The following FANK1 variants were observed in gnomAD, a reference collection of about 807,000 sequenced individuals.
FANK1 encodes fibronectin type 3 and ankyrin repeat domains protein 1.
In FANK1, 44 loss-of-function variants were observed where a neutral mutation model predicts 45.3. That is an observed-to-expected ratio of 0.97 (90% CI 0.76 to 1.25). The LOEUF (loss-of-function observed/expected upper bound fraction) is 1.25, where lower values mean the gene tolerates loss of function less well. Ranked by LOEUF, FANK1 falls within the 50% of genes most tolerant of loss-of-function variation. The pLI is 0.00. For missense variants in FANK1, 391 were observed against 424.4 expected, an observed-to-expected ratio of 0.92 and a Z score of 0.69; for synonymous variants, 149 against 152.5, an observed-to-expected ratio of 0.98 and a Z score of 0.17.
intron 3 of FANK1, among the ~76,000 whole-genome samples, chr10:125,989,659 T>C (rs73370568): frequency 0.014 from 2,117 of 152,332 alleles, 47 homozygotes; most frequent in African/African-American, 0.046. Flanking sequence ...ACTTGTGATA[T>C]GAAATGGTCA....
chr10:125,952,635 A>T (rs1212413205), intron 1 of FANK1, among the ~76,000 whole-genome samples: 1 of 151,956 alleles, frequency 6.6e-6, no homozygotes, highest in African/African-American at 2.4e-5. Flanking sequence ...CATCTGGATG[A>T]AAATGTTCCT....
intron 6 of FANK1, among the ~76,000 whole-genome samples, chr10:126,001,460 G>A (rs894632726): frequency 6.6e-6 from 1 of 150,610 alleles, no homozygotes; most frequent in African/African-American, 2.5e-5. Flanking sequence ...GTGACCCTGA[G>A]CAGGGGACTC....
intron 1 of FANK1, among the ~76,000 whole-genome samples, chr10:125,915,566 C>T (rs577213333): frequency 2.4e-4 from 36 of 152,322 alleles, no homozygotes; most frequent in African/African-American, 8.4e-4. Context: ...CCTGTTATCC[C>T]AGCACTTTGG....
chr10:125,996,412 G>T (rs922125903), intron 4 of FANK1, 138 bp from the exon 5 acceptor site: 4 of 689,330 alleles, frequency 5.8e-6, no homozygotes, highest in Non-Finnish European at 1.0e-5. Context: ...GACAAGAAAA[G>T]ATTTAATGGC....
intron 1 of FANK1, among the ~76,000 whole-genome samples, chr10:125,939,125 G>A (rs912947197): frequency 1.3e-5 from 2 of 152,128 alleles, no homozygotes; most frequent in African/African-American, 4.8e-5. Context: ...ACAAATTGTA[G>A]CATATTCCAG....
chr10:125,910,538 C>A (rs1182892596), intron 1 of FANK1, among the ~76,000 whole-genome samples: 1 of 152,174 alleles, frequency 6.6e-6, no homozygotes, highest in Non-Finnish European at 1.5e-5. Context: ...ATGTATACTG[C>A]ATTCCTGTGT....
In FANK1 at chr10:126,009,269, T is replaced by G; in HGVS notation, c.972+3T>G. On this transcript the variant is annotated splice_donor_region_variant and intron_variant, in intron 10 of 10. Transcript: ENST00000368693. Reference sequence around the variant, plus strand: ...TGGCCAGAGTTTTTGACAGACAGGTTGGGATGCTCTTTCTGCCTATCAAGG... The same window carrying G: ...TGGCCAGAGTTTTTGACAGACAGGTGGGGATGCTCTTTCTGCCTATCAAGG... The G allele has an allele frequency of 3.7e-6, 6 of 1,614,220 alleles. No individual in the cohort carries two copies. Among genetic ancestry groups the G allele is most frequent in the Non-Finnish European group, 4.2e-6 (5 of 1,180,042 alleles).
chr10:125,988,742 A>G (rs1353737508), intron 3 of FANK1, 67 bp downstream of exon 3: 1 of 1,612,130 alleles, frequency 6.2e-7, no homozygotes. Flanking sequence ...AATTTAGAAA[A>G]AATATTCTGC....
chr10:125,976,200 G>A (rs1212452274), intron 1 of FANK1, among the ~76,000 whole-genome samples: 1 of 151,912 alleles, frequency 6.6e-6, no homozygotes, highest in Non-Finnish European at 1.5e-5. Flanking sequence ...TAGCCTAAGG[G>A]GATCCCTTTG....
rs747568682 is a variant in FANK1 at position 125,997,474 on chromosome 10, T to C, written c.528T>C (p.Ser176=). The change falls in exon 6 of 11, where the codon AGT becomes AGC. Residue 176 remains serine, a synonymous_variant. Coordinates refer to ENST00000368693, the MANE Select transcript of FANK1 (RefSeq NM_145235.5). ...NGTDVNLKNG[S]GKDSLMLACY... ...CAGACGTGAATCTGAAGAATGGAAGTGGCAAGGACAGGTAGGAGGTGGGAT... is the reference window on the plus strand; with the variant it reads ...CAGACGTGAATCTGAAGAATGGAAGCGGCAAGGACAGGTAGGAGGTGGGAT... 14 of 1,613,804 alleles carry C rather than the reference T, an allele frequency of 8.7e-6. No homozygotes were observed. The highest frequency in any genetic ancestry group is 1.2e-5 in the Non-Finnish European group (14 of 1,179,896).
chr10:125,940,481 T>C (rs1417699696), intron 1 of FANK1, among the ~76,000 whole-genome samples: 1 of 152,212 alleles, frequency 6.6e-6, no homozygotes, highest in Non-Finnish European at 1.5e-5. Context: ...GCCGCCAGCA[T>C]ATCTCGCCTC....
At chr10:125,902,481 TTTATTCTACA>T (rs1253189053) in intron 1 of FANK1, among the ~76,000 whole-genome samples, 5 of 152,210 alleles carry the variant, frequency 3.3e-5, no homozygotes, top group Admixed American at 3.3e-4. Flanking sequence ...AGAAAGCCAT[TTTATTCTACA>T]TTATTCTACA....
At chr10:125,961,260 C>A (rs1949909326) in intron 1 of FANK1, among the ~76,000 whole-genome samples, 1 of 152,124 alleles carries the variant, frequency 6.6e-6, no homozygotes, top group African/African-American at 2.4e-5. Context: ...GTACGTGCAA[C>A]CATGCCTAGC....
At chr10:125,933,302 A>T (rs902274625) in intron 1 of FANK1, among the ~76,000 whole-genome samples, 1 of 151,918 alleles carries the variant, frequency 6.6e-6, no homozygotes, top group Admixed American at 6.6e-5. Context: ...TTACCATTTC[A>T]ATCTTGCTGC....
chr10:125,998,851 A>T (rs1194761343), intron 6 of FANK1, among the ~76,000 whole-genome samples: 1 of 152,234 alleles, frequency 6.6e-6, no homozygotes, highest in East Asian at 1.9e-4. Context: ...AATTACCTCC[A>T]ATGTAGGCTC....
At chr10:125,918,524 C>T (rs2134125428) in intron 1 of FANK1, among the ~76,000 whole-genome samples, 1 of 119,744 alleles carries the variant, frequency 8.4e-6, no homozygotes, top group Admixed American at 1.1e-4. Context: ...CACTACTGCA[C>T]TCCAGTCTGG....
At chr10:126,002,039 G>T (rs575783515) in intron 6 of FANK1, among the ~76,000 whole-genome samples, 4 of 152,016 alleles carry the variant, frequency 2.6e-5, no homozygotes, top group Admixed American at 6.6e-5. Context: ...TAGGCTGGGC[G>T]TGGTGGCTCA....
chr10:125,939,321 A>G (rs556888114), intron 1 of FANK1, among the ~76,000 whole-genome samples: 2 of 152,360 alleles, frequency 1.3e-5, no homozygotes, highest in East Asian at 3.9e-4. Context: ...AGAAATTTGA[A>G]TATGGACTAC....
intron 1 of FANK1, among the ~76,000 whole-genome samples, chr10:125,965,673 A>G (rs538358422): frequency 6.6e-6 from 1 of 152,322 alleles, no homozygotes; most frequent in Non-Finnish European, 1.5e-5. Flanking sequence ...TAAATTGAGA[A>G]CACCCCATCA....
Sources: allele counts gnomAD v4.1 joint callset (sites outside exome capture counted in the v4.1 genomes callset), GRCh38; gene constraint gnomAD v4.1.1; transcripts MANE v1.5; gene names NCBI Gene and HGNC (gene_info 2026-07-23, HGNC 2026-07-21).